LRP1B: variants seen among roughly 807,000 people sequenced by gnomAD.
LRP1B encodes low-density lipoprotein receptor-related protein 1B.
A neutral mutation model predicts 556.6 loss-of-function variants in LRP1B; 217 were observed. The ratio of observed to expected loss-of-function variants is 0.39; its 90% confidence interval spans 0.35 to 0.44. The LOEUF (loss-of-function observed/expected upper bound fraction) is 0.44, where lower values mean the gene tolerates loss of function less well. LRP1B is among the 20% of genes least tolerant of loss of function. The pLI is 1.00. For synonymous variants in LRP1B, 2,047 were observed against 1,865.8 expected (o/e 1.10, Z -2.50); for missense variants, 5,053 against 5,620.8 (o/e 0.90, Z 3.23).
intron 2 of LRP1B, among the ~76,000 whole-genome samples, chr2:141,804,875 CTG>C (rs778050535): frequency 6.6e-6 from 1 of 152,064 alleles, no homozygotes; most frequent in Non-Finnish European, 1.5e-5. Flanking sequence ...CGTGGAAAAA[CTG>C]AGCCTTGGAG....
At chr2:140,585,478 G>A (rs530059893) in intron 43 of LRP1B, among the ~76,000 whole-genome samples, 1 of 152,174 alleles carries the variant, frequency 6.6e-6, no homozygotes, top group South Asian at 2.1e-4. Context: ...TATTCAAGAT[G>A]TGGCACCATC....
At chr2:140,824,231 C>G (rs1691428542) in intron 31 of LRP1B, among the ~76,000 whole-genome samples, 1 of 151,936 alleles carries the variant, frequency 6.6e-6, no homozygotes, top group South Asian at 2.1e-4. Flanking sequence ...ATGGTTGAGG[C>G]ACGCACAGTG....
chr2:141,521,891 A>C (rs1684541175), intron 2 of LRP1B, among the ~76,000 whole-genome samples: 8 of 152,150 alleles, frequency 5.3e-5, no homozygotes, highest in Admixed American at 5.2e-4. Flanking sequence ...ATACAGTTTT[A>C]ACAAATATAT....
chr2:140,581,762 T>C (rs1291746482), intron 43 of LRP1B, among the ~76,000 whole-genome samples: 2 of 152,114 alleles, frequency 1.3e-5, no homozygotes, highest in Non-Finnish European at 2.9e-5. Context: ...CCTGTTCTCT[T>C]TTTCTCTCCC....
chr2:140,542,522 C>T (rs1198318825), intron 43 of LRP1B, among the ~76,000 whole-genome samples: 1 of 152,114 alleles, frequency 6.6e-6, no homozygotes, highest in East Asian at 1.9e-4. Context: ...CTAGATTGAT[C>T]TTTTCATCTA....
chr2:141,377,894 C>T lies in LRP1B; in HGVS notation c.343+102502G>A, dbSNP rs79543014. ...TTGTCTATGCTATCACTAAATGCCT[C>T]CTATATAAAGACAGCACCAAATGAA... On this transcript the variant is annotated intron_variant, in intron 3 of 90. Coordinates refer to ENST00000389484, the MANE Select transcript of LRP1B (RefSeq NM_018557.3). 2.9e-3 allele frequency among the ~76,000 whole-genome samples: 436 copies of T among 152,152 alleles called. 2 individuals are homozygous for T. The highest frequency in any genetic ancestry group is 8.3e-3 in the South Asian group (40 of 4,826).
intron 2 of LRP1B, among the ~76,000 whole-genome samples, chr2:141,695,724 AC>A (rs985860705): frequency 1.3e-5 from 2 of 151,962 alleles, no homozygotes; most frequent in Non-Finnish European, 2.9e-5. Flanking sequence ...GTTAAAAAAA[AC>A]CCAAAAACCA....
chr2:140,232,057 A>G lies in LRP1B; in HGVS notation c.*1129T>C, dbSNP rs945949352. 7.3e-5 allele frequency: 11 copies of G among 150,038 alleles called. No homozygotes were observed. The highest frequency in any genetic ancestry group is 2.4e-4 in the African/African-American group (10 of 41,256). The allele number at this position is 150,038 out of a possible 1,614,324, so 9.3% of individuals were successfully genotyped here. Reference sequence around the variant, plus strand: ...AACTGGCACAGCATTTCGACTCTCCACTTTTGATTATGGGAAGATCATTGT... The same window carrying G: ...AACTGGCACAGCATTTCGACTCTCCGCTTTTGATTATGGGAAGATCATTGT... On this transcript the variant is annotated 3_prime_UTR_variant, in exon 91 of 91. Transcript: ENST00000389484.
chr2:140,670,167 G>A (rs956126204), intron 41 of LRP1B, among the ~76,000 whole-genome samples: 50 of 152,030 alleles, frequency 3.3e-4, no homozygotes, highest in African/African-American at 1.1e-3. Context: ...AAGACACTAC[G>A]CATCCAATTT....
chr2:141,713,087 AT>A lies in LRP1B; in HGVS notation c.205+97191del, dbSNP rs397870971. On this transcript the variant is annotated intron_variant, in intron 2 of 90. Coordinates refer to ENST00000389484, the MANE Select transcript of LRP1B (RefSeq NM_018557.3). Reference sequence around the variant, plus strand: ...GCAAATGTTATTTTAAAATAATTTCATTTTTTTTTTTTTTGAGACAGGGTCT... The same window carrying A: ...GCAAATGTTATTTTAAAATAATTTCATTTTTTTTTTTTTGAGACAGGGTCT... 5.5e-3 allele frequency among the ~76,000 whole-genome samples: 780 copies of A among 142,528 alleles called. 4 individuals are homozygous for A. The highest frequency in any genetic ancestry group is 6.9e-3 in the African/African-American group (266 of 38,776). 93.5% of individuals were successfully genotyped at this position (142,528 alleles called of 152,430 possible). A position where few individuals can be genotyped will look rare whatever the true frequency, so the allele number is the denominator to read the frequency against.
At chr2:141,632,509 A>G (rs1159312037) in intron 2 of LRP1B, among the ~76,000 whole-genome samples, 1 of 152,194 alleles carries the variant, frequency 6.6e-6, no homozygotes. Flanking sequence ...CAGACGAGAG[A>G]AAAGTCAGTG....
intron 6 of LRP1B, among the ~76,000 whole-genome samples, chr2:141,196,094 T>C (rs1445966624): frequency 6.6e-6 from 1 of 152,064 alleles, no homozygotes; most frequent in Non-Finnish European, 1.5e-5. Flanking sequence ...ATGTAAACTA[T>C]GGTCAGGGGA....
intron 1 of LRP1B, among the ~76,000 whole-genome samples, chr2:142,103,009 T>C (rs1306777963): frequency 6.6e-6 from 1 of 151,900 alleles, no homozygotes; most frequent in Non-Finnish European, 1.5e-5. Context: ...AGGATAAACA[T>C]GATCCTCTAG....
intron 43 of LRP1B, among the ~76,000 whole-genome samples, chr2:140,549,889 G>T (rs1470311108): frequency 2.0e-5 from 3 of 151,856 alleles, no homozygotes; most frequent in African/African-American, 7.3e-5. Flanking sequence ...TTAAGTTCCG[G>T]GGTACATGTG....
chr2:141,043,686 G>A (rs1421529661), intron 11 of LRP1B, among the ~76,000 whole-genome samples: 1 of 151,662 alleles, frequency 6.6e-6, no homozygotes, highest in African/African-American at 2.4e-5. Context: ...GTAGAATGAA[G>A]GCATACAGTT....
chr2:140,991,840 T>G (rs2105356043), intron 16 of LRP1B, among the ~76,000 whole-genome samples: 1 of 152,164 alleles, frequency 6.6e-6, no homozygotes, highest in East Asian at 1.9e-4. Context: ...TTTTGGAGAT[T>G]TATAGTTCAA....
At chr2:140,525,798 A>C (rs1172822213) in intron 49 of LRP1B, 46 bp downstream of exon 49, 1 of 1,583,644 alleles carries the variant, frequency 6.3e-7, no homozygotes. Flanking sequence ...AGGTAGCCTC[A>C]AAATCTCCAA....
intron 3 of LRP1B, among the ~76,000 whole-genome samples, chr2:141,314,809 T>A (rs1333624637): frequency 1.9e-5 from 1 of 54,032 alleles, no homozygotes; most frequent in Non-Finnish European, 4.3e-5. Context: ...AAAAAAAAAA[T>A]TTATATATAT....
intron 84 of LRP1B, among the ~76,000 whole-genome samples, chr2:140,279,957 A>T (rs921870682): frequency 6.6e-6 from 1 of 151,916 alleles, no homozygotes. Context: ...TTGATATTTT[A>T]CTAATCATTT....
Sources: gnomAD v4.1 joint callset for allele counts (sites outside exome capture counted in the v4.1 genomes callset) on GRCh38, gnomAD v4.1.1 for gene constraint, MANE v1.5 for transcripts, NCBI Gene and HGNC (gene_info 2026-07-23, HGNC 2026-07-21) for gene names.